The following DBN1 variants were observed in gnomAD, a reference collection of about 807,000 sequenced individuals.
DBN1 encodes drebrin.
DBN1 carries 21 observed loss-of-function variants against 83.5 expected under a neutral mutation model. The ratio of observed to expected loss-of-function variants is 0.25; its 90% CI spans 0.18 to 0.36. The LOEUF (loss-of-function observed/expected upper bound fraction) is 0.36. Among genes scored for constraint, DBN1 ranks in the 10% least tolerant of loss-of-function variants. The pLI, the probability that DBN1 is intolerant of heterozygous loss-of-function variation, is 1.00. For synonymous variants in DBN1, 381 were observed against 384.9 expected, an observed-to-expected ratio of 0.99 and a Z score of 0.12; for missense variants, 874 against 935.7, an observed-to-expected ratio of 0.93 and a Z score of 0.86.
intron 13 of DBN1, 89 bp downstream of exon 13, chr5:177,457,969 T>TC: frequency 6.5e-7 from 1 of 1,547,490 alleles, no homozygotes; most frequent in South Asian, 1.1e-5. Context: ...GAGAAGGGGG[T>TC]ACTGGTGCAA....
At chr5:177,471,606 T>C (rs1227726761) in intron 1 of DBN1, among the ~76,000 whole-genome samples, 3 of 152,162 alleles carry the variant, frequency 2.0e-5, no homozygotes, top group Non-Finnish European at 2.9e-5. Context: ...GGGGTATTCA[T>C]ATTCTCTTGT....
intron 8 of DBN1, among the ~76,000 whole-genome samples, chr5:177,465,344 G>A (rs544948880): frequency 4.6e-5 from 7 of 152,280 alleles, no homozygotes; most frequent in Non-Finnish European, 5.9e-5. Context: ...GACAAACACC[G>A]TGCGATTCCA....
chr5:177,459,589 G>C lies in DBN1; in HGVS notation c.1093+14C>G. On this transcript the variant is annotated intron_variant, in intron 11 of 14. Transcript: ENST00000393565. ...TCCTTACCACCCCCGCCGAGGCCTG[G>C]GGCTGCTACCTACATGGGAGGGAGG... The C allele has an allele frequency of 3.3e-6, 5 of 1,503,814 alleles. No homozygotes were observed. The highest frequency in any genetic ancestry group is 4.5e-6 in the Non-Finnish European group (5 of 1,121,754). The allele number at this position is 1,503,814 out of a possible 1,614,324, so 93.2% of individuals were successfully genotyped here.
chr5:177,462,227 CA>C, intron 8 of DBN1: 3 of 985,246 alleles, frequency 3.0e-6, no homozygotes, highest in Non-Finnish European at 2.4e-6. Flanking sequence ...AAGGCTCCCA[CA>C]TACTGTGAGA....
chr5:177,462,546 G>T, intron 8 of DBN1: 1 of 329,438 alleles, frequency 3.0e-6, no homozygotes, highest in Non-Finnish European at 4.3e-6. Flanking sequence ...TGTGAGCAAC[G>T]CAGGATGAGG....
At position 177,459,620 on chromosome 5, in the gene DBN1, A is replaced by T; in HGVS notation, c.1076T>A (p.Leu359His). The part of the protein sequence containing the change: ...PYITCHRTPN[L>H]SSSLPCSHLD... ...CTACCTACATGGGAGGGAGGAAGAG[A>T]GGTTTGGGGTGCGGTGGCAGGTGAT... The change falls in exon 11 of 15, where the codon CTC becomes CAC. Residue 359 changes from leucine (L) to histidine (H), a missense_variant. Leu to His is a moderately conservative substitution (Grantham distance 99). Around this residue, in one of 4 missense-constraint regions of DBN1, gnomAD observed 725 missense variants for 719.7 expected, o/e 1.01. Transcript: ENST00000393565. The T allele has an allele frequency of 6.5e-7, 1 of 1,545,140 alleles. No homozygotes were observed.
chr5:177,466,916 C>T lies in DBN1; in HGVS notation c.702G>A (p.Glu234=), dbSNP rs1162213431. ...CTCCGGGCGGGCAGGCTCACCTGTG[C>T]TCCTCGATCTGCTGCTCCCGCTCCC... ...RYREREQQIE[E]HRRKQQTLEA... Residue 234 remains glutamate (E), a synonymous_variant, in exon 7 of 15, where the codon GAG becomes GAA. Coordinates refer to ENST00000393565, the MANE Select transcript of DBN1 (RefSeq NM_001363541.2). This position sits in a 1 kb window ranked among gnomAD's most constrained non-coding sequence, Gnocchi z 4.8. 6.2e-7 allele frequency: 1 copy of T among 1,612,924 alleles called. No homozygotes were observed.
In DBN1 at chr5:177,456,847, T is replaced by C. The variant is rs1372161858; in HGVS notation, c.*586A>G. On this transcript the variant is annotated 3_prime_UTR_variant, in exon 15 of 15. Coordinates refer to ENST00000393565, the MANE Select transcript of DBN1 (RefSeq NM_001363541.2). ...GACCTGCCCGGCAGGAGACGGGGGG[T>C]AGCCGAGGGGCCCCAGCTGGGCCTG... The C allele has an allele frequency of 1.3e-5, 2 of 151,578 alleles. No homozygotes were observed. Among genetic ancestry groups the C allele is most frequent in the Admixed American group, 1.3e-4 (2 of 15,168 alleles). 9.4% of individuals were successfully genotyped at this position (151,578 alleles called of 1,614,324 possible). A position where few individuals can be genotyped will look rare whatever the true frequency, so the allele number is the denominator to read the frequency against.
rs1756582422 is a variant in DBN1 at position 177,457,393 on chromosome 5, G to C, written c.*40C>G. The C allele has an allele frequency of 6.4e-7, 1 of 1,568,544 alleles. No individual in the cohort carries two copies. The highest frequency in any genetic ancestry group is 8.8e-7 in the Non-Finnish European group (1 of 1,138,968). ...CGTCTGGCCAGAGGCTGATGCAGGT[G>C]GGCGGCCTTGGCAAGGGTAGCCTAG... On this transcript the variant is annotated 3_prime_UTR_variant, in exon 15 of 15. Transcript: ENST00000393565.
At chr5:177,459,068 G>A (rs773055413) in intron 12 of DBN1, 30 bp downstream of exon 12, 2 of 1,573,434 alleles carry the variant, frequency 1.3e-6, no homozygotes, top group Non-Finnish European at 1.7e-6. Context: ...GATGATGGGA[G>A]GCCTGGTGCA....
chr5:177,464,051 G>A (rs1381481243), intron 8 of DBN1, among the ~76,000 whole-genome samples: 1 of 151,854 alleles, frequency 6.6e-6, no homozygotes, highest in Admixed American at 6.6e-5. Context: ...GGAGGCAGAG[G>A]TTGCAGTGAG....
At chr5:177,471,811 G>A (rs1757863055) in intron 1 of DBN1, among the ~76,000 whole-genome samples, 1 of 152,130 alleles carries the variant, frequency 6.6e-6, no homozygotes, top group Non-Finnish European at 1.5e-5. Flanking sequence ...GGGCAGGCCT[G>A]TGTTGAGCAG....
chr5:177,457,753 C>A lies in DBN1; in HGVS notation c.1919G>T (p.Ser640Ile). 1 of 1,604,620 alleles carries A rather than the reference C, an allele frequency of 6.2e-7. No individual in the cohort carries two copies. The highest frequency in any genetic ancestry group is 8.5e-7 in the Non-Finnish European group (1 of 1,171,750). ...CTGTGATTGACTGAAGTACCCCTCA[C>A]TGGCCTGCAGGGGAAAGCATCAGGT... Reference protein sequence around the residue: ...ETTQKEGTQASEGYFSQSQEE... With the variant: ...ETTQKEGTQAIEGYFSQSQEE... The change falls in exon 14 of 15, where the codon AGT (serine) becomes ATT (isoleucine). Residue 640 changes from serine to isoleucine, a missense_variant. Ser to Ile is a moderately radical substitution (Grantham distance 142). This residue lies in a region of DBN1 where 725 missense variants were observed against 719.7 expected (regional missense o/e 1.01). Transcript: ENST00000393565.
At chr5:177,458,025 C>A in intron 13 of DBN1, 33 bp downstream of exon 13, 1 of 1,610,668 alleles carries the variant, frequency 6.2e-7, no homozygotes, top group African/African-American at 1.3e-5. Flanking sequence ...CCCACTCCCT[C>A]CCATCCCTCC....
In DBN1 at chr5:177,467,657, G is replaced by C. The variant is rs979047790; in HGVS notation, c.331-30C>G. ...CGCAAGAAGACGGCAGTGCTCAGGC[G>C]GCACCATCCTCCCGCCATCCCCACC... On this transcript the variant is annotated intron_variant, in intron 4 of 14. Coordinates refer to ENST00000393565, the MANE Select transcript of DBN1 (RefSeq NM_001363541.2). This position sits in a 1 kb window ranked among gnomAD's most constrained non-coding sequence, Gnocchi z 9.1. The C allele has an allele frequency of 6.4e-7, 1 of 1,564,398 alleles. No homozygotes were observed. Among genetic ancestry groups the C allele is most frequent in the African/African-American group, 1.4e-5 (1 of 73,914 alleles).
At chr5:177,473,406 A>AGGGGCC (rs1469540648) in intron 1 of DBN1, 30 bp downstream of exon 1, 1 of 1,237,550 alleles carries the variant, frequency 8.1e-7, no homozygotes, top group Non-Finnish European at 1.1e-6. Context: ...GCGGGGACAA[A>AGGGGCC]GGGGCCGGGG....
chr5:177,459,074 G>A, intron 12 of DBN1, 24 bp downstream of exon 12: 3 of 1,584,302 alleles, frequency 1.9e-6, no homozygotes, highest in Non-Finnish European at 2.6e-6. Flanking sequence ...GGGAGGCCTG[G>A]TGCAGGTAGC....
At chr5:177,462,640 G>C (rs1757133530) in intron 8 of DBN1, among the ~76,000 whole-genome samples, 1 of 152,230 alleles carries the variant, frequency 6.6e-6, no homozygotes, top group Non-Finnish European at 1.5e-5. Flanking sequence ...TTCTTAGTCG[G>C]TGTCCCCTGC....
chr5:177,459,742 T>C lies in DBN1; in HGVS notation c.956-2A>G. ...TTATGAAAGGGCAGTACGGACGACCTGCCGAGAGAGACAGACAGAGAAAGA... is the reference window on the plus strand; with the variant it reads ...TTATGAAAGGGCAGTACGGACGACCCGCCGAGAGAGACAGACAGAGAAAGA... On this transcript the variant is annotated splice_acceptor_variant, in intron 10 of 14. Transcript: ENST00000393565. LOFTEE classifies it high-confidence loss of function. 6.7e-7 allele frequency: 1 copy of C among 1,485,424 alleles called. No homozygotes were observed. Among genetic ancestry groups the C allele is most frequent in the Admixed American group, 2.4e-5 (1 of 42,454 alleles). The allele number at this position is 1,485,424 out of a possible 1,614,324, so 92.0% of individuals were successfully genotyped here.
Sources: allele counts gnomAD v4.1 joint callset (sites outside exome capture counted in the v4.1 genomes callset), GRCh38; gene constraint gnomAD v4.1.1; regional missense constraint gnomAD v4.1.1; non-coding constraint Gnocchi (gnomAD v3.1); transcripts MANE v1.5; gene names NCBI Gene and HGNC (gene_info 2026-07-23, HGNC 2026-07-21).